PLXDC2: variants seen among roughly 807,000 people sequenced by gnomAD.
The protein encoded by PLXDC2 is plexin domain-containing protein 2.
PLXDC2 carries 40 observed loss-of-function variants against 68.9 expected under a neutral mutation model. The ratio of observed to expected loss-of-function variants is 0.58; its 90% CI spans 0.45 to 0.76. The LOEUF is 0.76. Among genes scored for constraint, PLXDC2 ranks in the 30% least tolerant of loss-of-function variants. The pLI is 0.00. For missense variants in PLXDC2, 644 were observed against 661.9 expected (o/e 0.97, Z 0.30); for synonymous variants, 243 against 234.2 (o/e 1.04, Z -0.34).
At chr10:20,090,458 G>A (rs1484059225) in intron 4 of PLXDC2, among the ~76,000 whole-genome samples, 1 of 97,152 alleles carries the variant, frequency 1.0e-5, no homozygotes, top group Non-Finnish European at 1.9e-5. Flanking sequence ...ACGAGTTGTG[G>A]AGTTTTTTTA....
chr10:20,252,551 A>G (rs934890169), intron 13 of PLXDC2, among the ~76,000 whole-genome samples: 3 of 152,242 alleles, frequency 2.0e-5, no homozygotes, highest in Admixed American at 6.5e-5. Context: ...AGTTGGTTCC[A>G]TATTTTTTAA....
At chr10:19,916,135 TG>T (rs200970303) in intron 1 of PLXDC2, among the ~76,000 whole-genome samples, 24,651 of 142,126 alleles carry the variant, frequency 0.17, 3,585 homozygotes, top group African/African-American at 0.38. Flanking sequence ...TGTTTTGTTT[TG>T]TTTTTTTTTT....
chr10:20,135,889 C>A (rs533088425), intron 4 of PLXDC2, among the ~76,000 whole-genome samples: 1 of 151,928 alleles, frequency 6.6e-6, no homozygotes, highest in Non-Finnish European at 1.5e-5. Context: ...TGTATTTTAC[C>A]TTGACAGCTG....
intron 2 of PLXDC2, among the ~76,000 whole-genome samples, chr10:20,020,311 T>C (rs1401186749): frequency 6.7e-6 from 1 of 150,046 alleles, no homozygotes; most frequent in Non-Finnish European, 1.5e-5. Context: ...AGAATACAAC[T>C]CCTCTTGAAT....
chr10:19,876,538 G>T (rs1244762237), intron 1 of PLXDC2, among the ~76,000 whole-genome samples: 1 of 145,140 alleles, frequency 6.9e-6, no homozygotes, highest in East Asian at 2.1e-4. Context: ...GGAGGCAGAG[G>T]TTACAGTGAG....
At chr10:20,051,851 AT>A (rs1835907847) in intron 3 of PLXDC2, among the ~76,000 whole-genome samples, 1 of 151,984 alleles carries the variant, frequency 6.6e-6, no homozygotes, top group Non-Finnish European at 1.5e-5. Flanking sequence ...GCCAGATAAT[AT>A]TTTAGTTGTT....
intron 1 of PLXDC2, among the ~76,000 whole-genome samples, chr10:19,840,166 G>A (rs1437880948): frequency 6.6e-6 from 1 of 151,956 alleles, no homozygotes; most frequent in Non-Finnish European, 1.5e-5. Context: ...TGGATTGACA[G>A]TTAATATCTA....
rs57244192 is a variant in PLXDC2, at chr10:19,979,229, T to A, written c.113-22546T>A. Among the ~76,000 whole-genome samples the A allele has an allele frequency of 7.9e-3, 1,203 of 152,310 alleles. 19 individuals are homozygous for A. The highest frequency in any genetic ancestry group is 0.028 in the African/African-American group (1,147 of 41,560). ...GGAAGGGGGAGATTAAAGCCAATTT[T>A]GTGATACCTCTGCGTGATACTAACT... On this transcript the variant is annotated intron_variant, in intron 1 of 13. Coordinates refer to ENST00000377252, the MANE Select transcript of PLXDC2 (RefSeq NM_032812.9).
chr10:20,164,669 T>C lies in PLXDC2; in HGVS notation c.883+102T>C, dbSNP rs1445852872. 5 of 853,418 alleles carry C rather than the reference T, an allele frequency of 5.9e-6. No homozygotes were observed. The Admixed American group carries it at 1.0e-4, about 18-fold the overall frequency. 52.9% of individuals were successfully genotyped at this position (853,418 alleles called of 1,614,324 possible). On this transcript the variant is annotated intron_variant, in intron 7 of 13. Transcript: ENST00000377252. ...GTACCTGAATTAAAAAAAAAATAGCTAATCGATTAGCTGATTAATGCTTGT... is the reference window on the plus strand; with the variant it reads ...GTACCTGAATTAAAAAAAAAATAGCCAATCGATTAGCTGATTAATGCTTGT...
At chr10:20,046,225 T>G (rs999813003) in intron 2 of PLXDC2, among the ~76,000 whole-genome samples, 2 of 152,118 alleles carry the variant, frequency 1.3e-5, no homozygotes, top group African/African-American at 4.8e-5. Flanking sequence ...CTTTTTGTTC[T>G]GGTGACAAAT....
Position 20,046,885 on chromosome 10 carries a change from A to C in PLXDC2, c.341A>C (p.Asn114Thr). Residue 114 changes from asparagine to threonine, a missense_variant, in exon 3 of 14, where the codon AAT becomes ACT. Asn to Thr is a moderately conservative substitution (Grantham distance 65). Coordinates refer to ENST00000377252, the MANE Select transcript of PLXDC2 (RefSeq NM_032812.9). ...TTATTGCAGGAGGATACAGACCACA[A>C]TTACTATATATCTCGAATATATGGT... ...NTQIEEDTDHNYYISRIYGPS... is the reference protein window; with the variant it reads ...NTQIEEDTDHTYYISRIYGPS... 1 of 1,611,196 alleles carries C rather than the reference A, an allele frequency of 6.2e-7. No individual in the cohort carries two copies. Among genetic ancestry groups the C allele is most frequent in the Non-Finnish European group, 8.5e-7 (1 of 1,178,576 alleles).
intron 12 of PLXDC2, among the ~76,000 whole-genome samples, chr10:20,231,861 TA>T (rs1588532718): frequency 6.6e-6 from 1 of 151,616 alleles, no homozygotes; most frequent in Non-Finnish European, 1.5e-5. Flanking sequence ...ACAAAAAAAT[TA>T]AAAAATTAAC....
chr10:19,904,036 A>T (rs1447980248), intron 1 of PLXDC2, among the ~76,000 whole-genome samples: 1 of 152,062 alleles, frequency 6.6e-6, no homozygotes, highest in African/African-American at 2.4e-5. Context: ...TTCCACTACG[A>T]TCTGGGAGAG....
intron 12 of PLXDC2, among the ~76,000 whole-genome samples, chr10:20,244,446 A>T (rs1835561561): frequency 1.3e-5 from 2 of 152,326 alleles, no homozygotes; most frequent in Admixed American, 1.3e-4. Flanking sequence ...TCTGGGGTGT[A>T]GTGGAAAGTT....
At chr10:19,836,037 T>C (rs1284829128) in intron 1 of PLXDC2, among the ~76,000 whole-genome samples, 1 of 151,500 alleles carries the variant, frequency 6.6e-6, no homozygotes, top group African/African-American at 2.4e-5. Flanking sequence ...ATTAGCAGGA[T>C]GTGGTGGTGC....
chr10:20,252,218 G>A (rs997732039), intron 13 of PLXDC2, among the ~76,000 whole-genome samples: 1 of 152,180 alleles, frequency 6.6e-6, no homozygotes, highest in African/African-American at 2.4e-5. Context: ...ATATGTGGCT[G>A]CTGCCTATAT....
intron 1 of PLXDC2, among the ~76,000 whole-genome samples, chr10:19,978,445 A>T (rs935512874): frequency 1.3e-5 from 2 of 152,172 alleles, no homozygotes; most frequent in African/African-American, 2.4e-5. Flanking sequence ...TATGTGCAGT[A>T]AAGAGTGTTG....
intron 2 of PLXDC2, among the ~76,000 whole-genome samples, chr10:20,042,129 T>C (rs1366996584): frequency 6.6e-6 from 1 of 152,156 alleles, no homozygotes; most frequent in East Asian, 1.9e-4. Flanking sequence ...GTGTCCTGAC[T>C]GGTAATTTAG....
chr10:20,018,055 G>T (rs548521074), intron 2 of PLXDC2, among the ~76,000 whole-genome samples: 1 of 152,140 alleles, frequency 6.6e-6, no homozygotes, highest in Non-Finnish European at 1.5e-5. Flanking sequence ...AGAGACATCC[G>T]AACGCTTACA....
Sources: gnomAD v4.1 joint callset for allele counts (sites outside exome capture counted in the v4.1 genomes callset) on GRCh38, gnomAD v4.1.1 for gene constraint, MANE v1.5 for transcripts, NCBI Gene and HGNC (gene_info 2026-07-23, HGNC 2026-07-21) for gene names.